The following AFF4 variants were observed in gnomAD, a reference collection of about 807,000 sequenced individuals.
The protein encoded by AFF4 is AF4/FMR2 family member 4.
In AFF4, 13 loss-of-function variants were observed where a neutral mutation model predicts 124.8. The observed-to-expected ratio is 0.10, with a 90% confidence interval of 0.07 to 0.17. The LOEUF is 0.17. Among genes scored for constraint, AFF4 ranks in the 10% least tolerant of loss-of-function variants. The pLI, the probability that AFF4 is intolerant of heterozygous loss-of-function variation, is 1.00. For synonymous variants in AFF4, 477 were observed against 496.1 expected (o/e 0.96, Z 0.51); for missense variants, 1,092 against 1,403.8 (o/e 0.78, Z 3.55).
rs755733508 is a variant in AFF4, at chr5:132,887,954, T to A, written c.2825A>T (p.Tyr942Phe). 1 of 1,613,792 alleles carries A rather than the reference T, an allele frequency of 6.2e-7. No homozygotes were observed. Reference protein sequence around the residue: ...LSDRFEKAVYYLDAVVSFIEC... With the variant: ...LSDRFEKAVYFLDAVVSFIEC... The stretch of plus-strand genomic sequence containing the variant: ...AATGAAAGATACCACAGCATCAAGA[T>A]AGTATACAGCTTTCTCAAACCTATC... Residue 942 changes from tyrosine to phenylalanine, a missense_variant, in exon 16 of 21, where the codon TAT (tyrosine) becomes TTT (phenylalanine). Around this residue, in one of 11 missense-constraint regions of AFF4, gnomAD observed 173 missense variants for 294.9 expected, o/e 0.59. Coordinates refer to ENST00000265343, the MANE Select transcript of AFF4 (RefSeq NM_014423.4).
At chr5:132,914,600 CAA>C (rs1277484764) in intron 5 of AFF4, among the ~76,000 whole-genome samples, 3 of 128,302 alleles carry the variant, frequency 2.3e-5, no homozygotes, top group Admixed American at 7.9e-5. Flanking sequence ...GACTCCATTT[CAA>C]AAAAAAAAAA....
chr5:132,902,238 G>C (rs1760569123), intron 7 of AFF4, among the ~76,000 whole-genome samples: 1 of 151,946 alleles, frequency 6.6e-6, no homozygotes, highest in South Asian at 2.1e-4. Flanking sequence ...AGTAGAGAAG[G>C]GGTTTCACCA....
chr5:132,943,105 G>A, intron 1 of AFF4: 1 of 175,630 alleles, frequency 5.7e-6, no homozygotes, highest in African/African-American at 2.4e-5. Flanking sequence ...CATGATTACA[G>A]GCACATCTCA....
chr5:132,961,776 A>G lies in AFF4; in HGVS notation c.-5+1483T>C, dbSNP rs550510111. ...TGAAGCAAAATTTTATTTAAAGTAA[A>G]ATTTGCCTACTGTTTCTAGAGAGTT... On this transcript the variant is annotated intron_variant, in intron 1 of 20. Coordinates refer to ENST00000265343, the MANE Select transcript of AFF4 (RefSeq NM_014423.4). Among the ~76,000 whole-genome samples, 43 of 152,274 alleles carry G rather than the reference A, an allele frequency of 2.8e-4. 1 individual carries two copies. The highest frequency in any genetic ancestry group is 1.0e-3 in the African/African-American group (42 of 41,568).
At chr5:132,899,069 C>A in intron 9 of AFF4, 35 bp downstream of exon 9, 1 of 1,600,838 alleles carries the variant, frequency 6.2e-7, no homozygotes, top group Non-Finnish European at 8.6e-7. Flanking sequence ...TGACCCAACT[C>A]TTACCAATAA....
At chr5:132,943,399 G>A (rs1012242156) in intron 1 of AFF4, 4 of 185,942 alleles carry the variant, frequency 2.2e-5, no homozygotes, top group Non-Finnish European at 4.9e-5. Context: ...TTCAAGGGAT[G>A]GAAAGTCACC....
At chr5:132,942,416 C>T (rs1227855836) in intron 1 of AFF4, among the ~76,000 whole-genome samples, 31 of 150,682 alleles carry the variant, frequency 2.1e-4, no homozygotes, top group Admixed American at 2.0e-3. Context: ...TGAACATGTT[C>T]TAGGTTACCT....
chr5:132,952,226 C>T (rs370628047), intron 1 of AFF4, among the ~76,000 whole-genome samples: 2 of 152,162 alleles, frequency 1.3e-5, no homozygotes, highest in South Asian at 2.1e-4. Context: ...TCCAAAATGC[C>T]GTCCGTATCC....
In AFF4 at chr5:132,904,393, C is replaced by G. The variant is rs764565803; in HGVS notation, c.1062G>C (p.Gln354His). ...TTTGTTCTCCAGTGCCAAAATTGGA[C>G]TGCTGAGACTCCTAAGAAAAAGGAA... ...KFPFPTKESQQSNFGTGEQKR... is the reference protein window; with the variant it reads ...KFPFPTKESQHSNFGTGEQKR... Residue 354 changes from glutamine (Q) to histidine (H), a missense_variant, in exon 6 of 21, where the codon CAG becomes CAC. By Grantham distance (24) the Gln-to-His change is conservative. This residue lies in a region of AFF4 where 148 missense variants were observed against 196.3 expected (regional missense o/e 0.75). Transcript: ENST00000265343. 4 of 1,610,462 alleles carry G rather than the reference C, an allele frequency of 2.5e-6. No individual in the cohort carries two copies. Among genetic ancestry groups the G allele is most frequent in the Non-Finnish European group, 3.4e-6 (4 of 1,178,568 alleles).
intron 5 of AFF4, among the ~76,000 whole-genome samples, chr5:132,921,444 T>C (rs935335772): frequency 2.0e-5 from 3 of 151,180 alleles, no homozygotes; most frequent in South Asian, 2.1e-4. Flanking sequence ...CTTTGGAAAA[T>C]AGTATGACAG....
chr5:132,904,982 G>A (rs777927247), intron 5 of AFF4, among the ~76,000 whole-genome samples: 4 of 150,632 alleles, frequency 2.7e-5, no homozygotes, highest in Non-Finnish European at 4.4e-5. Flanking sequence ...CCTGGGAGGC[G>A]GAGGTTGCAG....
intron 4 of AFF4, 36 bp from the exon 5 acceptor site, chr5:132,927,243 G>T: frequency 6.3e-7 from 1 of 1,579,570 alleles, no homozygotes; most frequent in Non-Finnish European, 8.6e-7. Flanking sequence ...TTTCAACCAG[G>T]TCAAGGATAA....
chr5:132,900,940 T>C, intron 7 of AFF4: 4 of 985,060 alleles, frequency 4.1e-6, no homozygotes, highest in Non-Finnish European at 4.8e-6. Context: ...ATTAACTACT[T>C]GTACTTTTCC....
intron 1 of AFF4, among the ~76,000 whole-genome samples, chr5:132,946,468 T>C (rs761808950): frequency 3.3e-5 from 5 of 152,200 alleles, no homozygotes; most frequent in Admixed American, 6.5e-5. Context: ...GTGGTATATA[T>C]ACACACATAC....
At position 132,885,189 on chromosome 5, in the gene AFF4, T is replaced by G; in HGVS notation, c.3100-70A>C. 4.8e-6 allele frequency: 6 copies of G among 1,241,792 alleles called. 1 individual carries two copies. The South Asian group carries it at 8.6e-5, about 18-fold the overall frequency. 76.9% of individuals were successfully genotyped at this position (1,241,792 alleles called of 1,614,324 possible). On this transcript the variant is annotated intron_variant, in intron 18 of 20. Coordinates refer to ENST00000265343, the MANE Select transcript of AFF4 (RefSeq NM_014423.4). ...CTACTTTAAGAAGTTCTAAATATAT[T>G]TAAAAGCTTTGGGCAAGAGCTCATC...
At chr5:132,915,842 C>A (rs149408861) in intron 5 of AFF4, among the ~76,000 whole-genome samples, 2 of 151,912 alleles carry the variant, frequency 1.3e-5, no homozygotes, top group African/African-American at 4.8e-5. Flanking sequence ...TGAGCCACTA[C>A]GCCCGGCTGA....
At chr5:132,894,549 T>C (rs1307257610) in intron 11 of AFF4, among the ~76,000 whole-genome samples, 2 of 152,120 alleles carry the variant, frequency 1.3e-5, no homozygotes, top group African/African-American at 4.8e-5. Flanking sequence ...GACAGACAAA[T>C]GAAAACATGA....
intron 1 of AFF4, among the ~76,000 whole-genome samples, chr5:132,957,490 T>C (rs1761989674): frequency 6.6e-6 from 1 of 152,088 alleles, no homozygotes; most frequent in Non-Finnish European, 1.5e-5. Context: ...CCCAGCACTT[T>C]GGGAGGCCGA....
chr5:132,903,842 G>T (rs1272797909), intron 6 of AFF4: 3 of 152,238 alleles, frequency 2.0e-5, no homozygotes, highest in African/African-American at 7.2e-5. Context: ...TTGTATTCAT[G>T]AACTATTAGT....
Sources: gnomAD v4.1 joint callset for allele counts (sites outside exome capture counted in the v4.1 genomes callset) on GRCh38, gnomAD v4.1.1 for gene constraint, gnomAD v4.1.1 regional missense constraint, MANE v1.5 for transcripts, NCBI Gene and HGNC (gene_info 2026-07-23, HGNC 2026-07-21) for gene names.